Variants in TNIK observed in about 807,000 individuals in gnomAD.
TNIK encodes the protein TRAF2 and NCK-interacting protein kinase.
A neutral mutation model predicts 191.3 loss-of-function variants in TNIK; 49 were observed. The ratio of observed to expected loss-of-function variants is 0.26; its 90% CI spans 0.20 to 0.32. The LOEUF (loss-of-function observed/expected upper bound fraction) is 0.32. Ranked by LOEUF, TNIK falls within the 10% of genes least tolerant of loss-of-function variation. The pLI, the probability that TNIK is intolerant of heterozygous loss-of-function variation, is 1.00. For missense variants in TNIK, 1,155 were observed against 1,702.3 expected (o/e 0.68, Z 5.66); for synonymous variants, 594 against 600.9 (o/e 0.99, Z 0.17).
At chr3:171,287,520 G>A (rs537426507) in intron 2 of TNIK, among the ~76,000 whole-genome samples, 4 of 152,162 alleles carry the variant, frequency 2.6e-5, no homozygotes, top group Non-Finnish European at 5.9e-5. Context: ...GTAATGGCAT[G>A]GAAGTCTCCT....
intron 1 of TNIK, among the ~76,000 whole-genome samples, chr3:171,437,302 A>G (rs919654852): frequency 2.0e-5 from 3 of 152,210 alleles, no homozygotes; most frequent in Admixed American, 2.0e-4. Context: ...TGCATTTTGC[A>G]GACCTGACCA....
intron 2 of TNIK, among the ~76,000 whole-genome samples, chr3:171,240,375 T>C (rs574693990): frequency 1.3e-5 from 2 of 152,286 alleles, no homozygotes; most frequent in Middle Eastern, 6.8e-3. Flanking sequence ...GACTAATTAG[T>C]GGGTCTAGAG....
chr3:171,459,921 C>T, intron 1 of TNIK, 86 bp downstream of exon 1: 1 of 1,150,510 alleles, frequency 8.7e-7, no homozygotes. Flanking sequence ...TGTCCCCCTG[C>T]CCCAGCCCCA....
At chr3:171,140,345 C>G in intron 13 of TNIK, 54 bp downstream of exon 13, 1 of 1,438,394 alleles carries the variant, frequency 7.0e-7, no homozygotes. Flanking sequence ...CCAGAGAAGG[C>G]TGGTGCTGGG....
At chr3:171,197,499 A>G (rs1025188622) in intron 4 of TNIK, among the ~76,000 whole-genome samples, 2 of 152,250 alleles carry the variant, frequency 1.3e-5, no homozygotes, top group Non-Finnish European at 2.9e-5. Flanking sequence ...TTTGCAAATC[A>G]TATATCTGAT....
chr3:171,344,555 T>C (rs1492860), intron 2 of TNIK, among the ~76,000 whole-genome samples: 131,293 of 152,078 alleles, frequency 0.86, 56,865 homozygotes, highest in East Asian at 1. Flanking sequence ...ACCTTATTTC[T>C]GCTAAGTATT....
chr3:171,449,722 GA>G (rs917750126), intron 1 of TNIK, among the ~76,000 whole-genome samples: 12 of 151,836 alleles, frequency 7.9e-5, no homozygotes, highest in African/African-American at 2.9e-4. Context: ...TGACCATGCA[GA>G]AACCATTGCA....
At chr3:171,206,959 T>C (rs1258787509) in intron 4 of TNIK, among the ~76,000 whole-genome samples, 1 of 152,170 alleles carries the variant, frequency 6.6e-6, no homozygotes, top group Non-Finnish European at 1.5e-5. Context: ...TAGGTGTGGC[T>C]CATCTAGAAA....
At chr3:171,079,424 C>T (rs529464677) in intron 28 of TNIK, 94 bp downstream of exon 28, 119 of 1,449,836 alleles carry the variant, frequency 8.2e-5, no homozygotes, top group Non-Finnish European at 1.1e-4. Context: ...ACACATGCAT[C>T]ATCAATCTGA....
chr3:171,327,900 T>TAAAAAAAAAAAAAAAAAAAAAAAA (rs71634497), intron 2 of TNIK, among the ~76,000 whole-genome samples: 4 of 79,620 alleles, frequency 5.0e-5, no homozygotes, highest in African/African-American at 1.2e-4. Context: ...ACCTGGCTCA[T>TAAAAAAAAAAAAAAAAAAAAAAAA]AAAAAAAAAA....
chr3:171,375,580 C>T (rs1038036857), intron 1 of TNIK, among the ~76,000 whole-genome samples: 1 of 152,202 alleles, frequency 6.6e-6, no homozygotes, highest in Admixed American at 6.5e-5. Context: ...CCCAGCTTCA[C>T]AGCAGAGAGG....
At chr3:171,400,572 C>CAATAAATAAATAAATA (rs10529118) in intron 1 of TNIK, among the ~76,000 whole-genome samples, 3,504 of 145,790 alleles carry the variant, frequency 0.024, 57 homozygotes, top group African/African-American at 0.027. Context: ...TCCTATCTCA[C>CAATAAATAAATAAATA]AATAAATAAA....
intron 3 of TNIK, among the ~76,000 whole-genome samples, chr3:171,227,117 A>C (rs1743061058): frequency 6.6e-6 from 1 of 152,208 alleles, no homozygotes; most frequent in African/African-American, 2.4e-5. Context: ...GAAAATTATT[A>C]ACATGCCTTT....
Position 171,460,010 on chromosome 3 carries a change from C to T in TNIK, c.54G>A (p.Leu18=). The T allele has an allele frequency of 6.2e-7, 1 of 1,608,912 alleles. No homozygotes were observed. The highest frequency in any genetic ancestry group is 8.5e-7 in the Non-Finnish European group (1 of 1,177,724). ...AACCAGAAAACGTCCTGCTCACCCT[C>T]AGAGCCGAGAGATCTATTTCATCCA... ...RSLDEIDLSA[L]RDPAGIFELV... The change falls in exon 1 of 33, where the codon CTG becomes CTA. Residue 18 remains leucine (L), a synonymous_variant. Transcript: ENST00000436636. The surrounding 1 kb of genome is among the most constrained non-coding windows in gnomAD (Gnocchi z 6.8).
intron 9 of TNIK, among the ~76,000 whole-genome samples, chr3:171,174,443 A>G (rs989661052): frequency 2.0e-5 from 3 of 152,228 alleles, no homozygotes; most frequent in Non-Finnish European, 1.5e-5. Context: ...AGAATGTATC[A>G]GGGAGGATAC....
intron 2 of TNIK, among the ~76,000 whole-genome samples, chr3:171,335,202 T>C (rs1342494208): frequency 6.6e-6 from 1 of 152,064 alleles, no homozygotes; most frequent in African/African-American, 2.4e-5. Context: ...GTAGACTGTT[T>C]GCGTGCAAGA....
chr3:171,200,670 G>A (rs374865470), intron 4 of TNIK, among the ~76,000 whole-genome samples: 1 of 152,314 alleles, frequency 6.6e-6, no homozygotes, highest in Non-Finnish European at 1.5e-5. Context: ...CTCTTCACAA[G>A]AGACAGGGGG....
intron 2 of TNIK, among the ~76,000 whole-genome samples, chr3:171,333,628 C>T (rs1489323681): frequency 1.3e-5 from 2 of 151,494 alleles, no homozygotes; most frequent in Non-Finnish European, 2.9e-5. Context: ...ATCCCCATTC[C>T]CACGGCAATA....
At chr3:171,142,517 G>A (rs1021636375) in intron 12 of TNIK, among the ~76,000 whole-genome samples, 5 of 152,186 alleles carry the variant, frequency 3.3e-5, no homozygotes, top group African/African-American at 1.2e-4. Context: ...GCAGGATTTG[G>A]TGACGACAGG....
Sources: gnomAD v4.1 joint callset for allele counts (sites outside exome capture counted in the v4.1 genomes callset) on GRCh38, gnomAD v4.1.1 for gene constraint, Gnocchi (gnomAD v3.1) non-coding constraint, MANE v1.5 for transcripts, NCBI Gene and HGNC (gene_info 2026-07-23, HGNC 2026-07-21) for gene names.